The following CHST11 variants were observed in gnomAD, a reference collection of about 807,000 sequenced individuals.
The protein encoded by CHST11 is carbohydrate sulfotransferase 11.
Under a neutral mutation model 30.4 loss-of-function variants are expected in CHST11, and 9 were observed. The ratio of observed to expected loss-of-function variants is 0.30; its 90% CI spans 0.18 to 0.52. The LOEUF (loss-of-function observed/expected upper bound fraction) is 0.52, where lower values mean the gene tolerates loss of function less well. CHST11 is among the 20% of genes least tolerant of loss of function. CHST11 has a pLI of 0.97. For synonymous variants in CHST11, 152 were observed against 187.8 expected (o/e 0.81, Z 1.56); for missense variants, 348 against 460.6 (o/e 0.76, Z 2.24).
intron 1 of CHST11, among the ~76,000 whole-genome samples, chr12:104,485,224 G>A (rs149936472): frequency 6.6e-6 from 1 of 152,290 alleles, no homozygotes; most frequent in East Asian, 1.9e-4. Flanking sequence ...ATCCTGAGGC[G>A]ATTCTGCTGC....
intron 1 of CHST11, among the ~76,000 whole-genome samples, chr12:104,583,370 G>A (rs1009801302): frequency 3.3e-5 from 5 of 152,260 alleles, no homozygotes; most frequent in African/African-American, 1.2e-4. Context: ...ATGGGGCTCA[G>A]CTTTGCATCT....
At chr12:104,634,727 C>G (rs1398080532) in intron 2 of CHST11, among the ~76,000 whole-genome samples, 3 of 152,186 alleles carry the variant, frequency 2.0e-5, no homozygotes, top group Non-Finnish European at 4.4e-5. Flanking sequence ...TTGGGGTTAG[C>G]TGAGCAACTT....
chr12:104,507,634 G>A (rs1340399467), intron 1 of CHST11, among the ~76,000 whole-genome samples: 1 of 152,220 alleles, frequency 6.6e-6, no homozygotes, highest in Non-Finnish European at 1.5e-5. Context: ...GGGCTGGCCA[G>A]AGGGCTTTGC....
chr12:104,613,886 C>T lies in CHST11; in HGVS notation c.204+11895C>T, dbSNP rs189036494. On this transcript the variant is annotated intron_variant, in intron 2 of 2. Transcript: ENST00000303694. ...GTAGAAGCAGAGAGCAGAATGGTTACCAGAGGTGGTGAAAACAGGGAGATG... is the reference window on the plus strand; with the variant it reads ...GTAGAAGCAGAGAGCAGAATGGTTATCAGAGGTGGTGAAAACAGGGAGATG... Among the ~76,000 whole-genome samples the T allele has an allele frequency of 4.8e-4, 73 of 152,182 alleles. No individual in the cohort carries two copies. The South Asian group carries it at 9.3e-3, about 19-fold the overall frequency.
intron 2 of CHST11, among the ~76,000 whole-genome samples, chr12:104,673,787 A>G (rs1424614007): frequency 1.3e-5 from 2 of 152,240 alleles, no homozygotes; most frequent in Non-Finnish European, 2.9e-5. Flanking sequence ...CAAGTTCCTT[A>G]ACCTCTCTGA....
rs1202995795 is a variant in CHST11, at chr12:104,575,246, T to TCCCAGGGTGACGGGGCTTTGTGTTTGC, written c.119-26657_119-26631dup. 5.3e-5 allele frequency among the ~76,000 whole-genome samples: 8 copies of TCCCAGGGTGACGGGGCTTTGTGTTTGC among 151,672 alleles called. No homozygotes were observed. In the East Asian group the frequency reaches 1.6e-3, roughly 29 times the overall value. On this transcript the variant is annotated intron_variant, in intron 1 of 2. Transcript: ENST00000303694. ...GGCCCACAGGCATAAACTGGGATGA[T>TCCCAGGGTGACGGGGCTTTGTGTTTGC]CCCAGGGTGACGGGGCTTTGTGTTT... is the stretch of plus-strand genomic sequence containing the variant.
intron 2 of CHST11, among the ~76,000 whole-genome samples, chr12:104,731,276 C>T (rs947745799): frequency 1.3e-5 from 2 of 152,132 alleles, no homozygotes; most frequent in Non-Finnish European, 2.9e-5. Context: ...AAGGGCAGCC[C>T]GAACAGGGAC....
At chr12:104,505,710 G>A (rs2037898634) in intron 1 of CHST11, among the ~76,000 whole-genome samples, 1 of 152,186 alleles carries the variant, frequency 6.6e-6, no homozygotes, top group South Asian at 2.1e-4. Flanking sequence ...TAGATAATAT[G>A]TGTAAAGAGC....
intron 2 of CHST11, among the ~76,000 whole-genome samples, chr12:104,711,085 G>C (rs905841546): frequency 6.6e-6 from 1 of 152,002 alleles, no homozygotes; most frequent in Non-Finnish European, 1.5e-5. Context: ...TGCGTGGGGG[G>C]TGTATATTCT....
chr12:104,524,969 T>G (rs773821879), intron 1 of CHST11, among the ~76,000 whole-genome samples: 3 of 152,226 alleles, frequency 2.0e-5, no homozygotes, highest in Non-Finnish European at 4.4e-5. Flanking sequence ...ATTTCATGAT[T>G]TGCATAACTC....
At chr12:104,581,558 G>A (rs2038744344) in intron 1 of CHST11, among the ~76,000 whole-genome samples, 1 of 152,176 alleles carries the variant, frequency 6.6e-6, no homozygotes, top group African/African-American at 2.4e-5. Context: ...TGATTTAAAG[G>A]AACACTGCCT....
chr12:104,601,868 T>G, intron 1 of CHST11, 38 bp from the exon 2 acceptor site: 1 of 1,506,764 alleles, frequency 6.6e-7, no homozygotes, highest in Non-Finnish European at 9.2e-7. Context: ...CAAATCTTTG[T>G]TGCTCATTTC....
At chr12:104,753,386 A>G (rs2040449937) in intron 2 of CHST11, among the ~76,000 whole-genome samples, 1 of 152,258 alleles carries the variant, frequency 6.6e-6, no homozygotes, top group African/African-American at 2.4e-5. Context: ...TACCTGGCTC[A>G]CAACGAGCAC....
intron 2 of CHST11, among the ~76,000 whole-genome samples, chr12:104,616,622 C>T (rs1320439663): frequency 8.5e-5 from 13 of 152,172 alleles, no homozygotes; most frequent in African/African-American, 1.9e-4. Context: ...CACACCACCA[C>T]GCCTGGCTAA....
At chr12:104,471,972 AT>A (rs1295793860) in intron 1 of CHST11, among the ~76,000 whole-genome samples, 2 of 151,772 alleles carry the variant, frequency 1.3e-5, no homozygotes, top group African/African-American at 4.8e-5. Flanking sequence ...TAAAAAAAAA[AT>A]TTATGGTGAC....
chr12:104,710,404 G>C (rs1380971666), intron 2 of CHST11, among the ~76,000 whole-genome samples: 1 of 152,088 alleles, frequency 6.6e-6, no homozygotes, highest in Non-Finnish European at 1.5e-5. Context: ...CACTTCCGTG[G>C]GCTCTCTGGG....
intron 2 of CHST11, among the ~76,000 whole-genome samples, chr12:104,641,521 A>C (rs975904889): frequency 2.6e-5 from 4 of 152,106 alleles, no homozygotes; most frequent in African/African-American, 9.7e-5. Context: ...GAGTGAGTGG[A>C]ATTTGCCCCT....
chr12:104,643,535 A>G (rs929511348), intron 2 of CHST11, among the ~76,000 whole-genome samples: 3 of 152,164 alleles, frequency 2.0e-5, no homozygotes, highest in African/African-American at 7.2e-5. Flanking sequence ...GTGTGGGATT[A>G]TCAGTAACAG....
At chr12:104,575,183 A>C (rs1452571317) in intron 1 of CHST11, among the ~76,000 whole-genome samples, 7 of 151,538 alleles carry the variant, frequency 4.6e-5, no homozygotes, top group Non-Finnish European at 7.4e-5. Flanking sequence ...ACAGAGTGAG[A>C]TCCTGTCTCA....
Sources: gnomAD v4.1 joint callset for allele counts (sites outside exome capture counted in the v4.1 genomes callset) on GRCh38, gnomAD v4.1.1 for gene constraint, MANE v1.5 for transcripts, NCBI Gene and HGNC (gene_info 2026-07-23, HGNC 2026-07-21) for gene names.